Variants in CNBD1 observed in about 807,000 individuals in gnomAD.
The protein encoded by CNBD1 is cyclic nucleotide binding domain containing 1.
CNBD1 carries 71 observed loss-of-function variants against 54.4 expected under a neutral mutation model. The observed-to-expected ratio is 1.30, with a 90% CI of 1.08 to 1.59. The LOEUF (loss-of-function observed/expected upper bound fraction) is 1.59, where lower values mean the gene tolerates loss of function less well. Among genes scored for constraint, CNBD1 ranks in the 40% most tolerant of loss-of-function variants. The probability of loss-of-function intolerance (pLI) is 0.00; values close to 1 mark genes in which losing one functional copy is unlikely to be tolerated. For synonymous variants in CNBD1, 182 were observed against 170.7 expected (o/e 1.07, Z -0.51); for missense variants, 659 against 518.0 (o/e 1.27, Z -2.64).
intron 8 of CNBD1, among the ~76,000 whole-genome samples, chr8:87,317,845 T>C (rs1405128984): frequency 6.6e-6 from 1 of 150,932 alleles, no homozygotes; most frequent in Non-Finnish European, 1.5e-5. Flanking sequence ...TCACTGAATT[T>C]GTCCCATGTT....
intron 4 of CNBD1, among the ~76,000 whole-genome samples, chr8:87,040,436 T>C (rs971106093): frequency 4.6e-5 from 7 of 150,724 alleles, no homozygotes; most frequent in African/African-American, 1.7e-4. Flanking sequence ...TTTTTTTTTT[T>C]TTTTTGAGAC....
At chr8:87,224,627 G>A (rs1229828140) in intron 5 of CNBD1, among the ~76,000 whole-genome samples, 1 of 151,704 alleles carries the variant, frequency 6.6e-6, no homozygotes, top group Non-Finnish European at 1.5e-5. Flanking sequence ...CCAGTACCAT[G>A]CTGTTTTGGT....
At chr8:86,871,875 T>C (rs145427979) in intron 1 of CNBD1, among the ~76,000 whole-genome samples, 117 of 152,304 alleles carry the variant, frequency 7.7e-4, no homozygotes, top group African/African-American at 2.7e-3. Flanking sequence ...AGATGCTGAA[T>C]TGCCCTGGCT....
At chr8:87,302,009 C>CA (rs1382417977) in intron 8 of CNBD1, among the ~76,000 whole-genome samples, 1 of 151,924 alleles carries the variant, frequency 6.6e-6, no homozygotes, top group Non-Finnish European at 1.5e-5. Context: ...GCTTACCAAC[C>CA]AAAAAAAGTC....
At chr8:87,117,095 C>T (rs1811788198) in intron 4 of CNBD1, among the ~76,000 whole-genome samples, 1 of 151,970 alleles carries the variant, frequency 6.6e-6, no homozygotes, top group South Asian at 2.1e-4. Context: ...TCTACTTGAA[C>T]ATCATTTATA....
chr8:87,151,130 G>A (rs1382621671), intron 4 of CNBD1, among the ~76,000 whole-genome samples: 1 of 152,134 alleles, frequency 6.6e-6, no homozygotes, highest in Non-Finnish European at 1.5e-5. Flanking sequence ...AAGACTGCAG[G>A]TACCTTGGTG....
rs368410367 is a variant in CNBD1 at position 87,313,368 on chromosome 8, C to T, written c.1042+26697C>T. Among the ~76,000 whole-genome samples the T allele has an allele frequency of 3.9e-5, 6 of 152,078 alleles. No individual in the cohort carries two copies. In the East Asian group the frequency reaches 7.7e-4, roughly 20 times the overall value. On this transcript the variant is annotated intron_variant, in intron 8 of 10. Transcript: ENST00000518476. ...TCTGAATAATGCAATGAGAGTTAGTCAAGTATTTTACACAGAACAATTTTA... is the reference window on the plus strand; with the variant it reads ...TCTGAATAATGCAATGAGAGTTAGTTAAGTATTTTACACAGAACAATTTTA...
chr8:87,220,453 T>C (rs1303888056), intron 5 of CNBD1, among the ~76,000 whole-genome samples: 1 of 151,878 alleles, frequency 6.6e-6, no homozygotes, highest in Admixed American at 6.6e-5. Flanking sequence ...TCACTTTCTT[T>C]CTGTCCCTTA....
intron 4 of CNBD1, among the ~76,000 whole-genome samples, chr8:87,099,794 A>G (rs1671929189): frequency 6.6e-5 from 10 of 152,206 alleles, no homozygotes. Context: ...ACAGACTCTT[A>G]AGTGGAGAAT....
chr8:87,182,295 A>G lies in CNBD1; in HGVS notation c.432-23698A>G, dbSNP rs1813370635. 6.6e-6 allele frequency among the ~76,000 whole-genome samples: 1 copy of G among 152,018 alleles called. No individual in the cohort carries two copies. Among genetic ancestry groups the G allele is most frequent in the African/African-American group, 2.4e-5 (1 of 41,394 alleles). ...CCATATTTTCTTTATCCAGTTTACC[A>G]TTGATGGGTATTTAGGTTGATTCCA... On this transcript the variant is annotated intron_variant, in intron 4 of 10. Coordinates refer to ENST00000518476, the MANE Select transcript of CNBD1 (RefSeq NM_173538.3). This position sits in a 1 kb window ranked among gnomAD's most constrained non-coding sequence, Gnocchi z 4.1.
intron 4 of CNBD1, among the ~76,000 whole-genome samples, chr8:87,201,188 C>T (rs965807703): frequency 5.3e-5 from 8 of 151,758 alleles, no homozygotes; most frequent in African/African-American, 1.9e-4. Flanking sequence ...AATCCAACAC[C>T]CATTCATGAT....
intron 6 of CNBD1, among the ~76,000 whole-genome samples, chr8:87,279,644 A>C (rs1168280124): frequency 1.3e-5 from 2 of 151,376 alleles, no homozygotes; most frequent in Non-Finnish European, 3.0e-5. Flanking sequence ...ATGAGTATGA[A>C]ATGTATATGC....
chr8:87,409,183 TA>T (rs1807699285), intron 2 of CNBD1, among the ~76,000 whole-genome samples: 1 of 152,120 alleles, frequency 6.6e-6, no homozygotes. Context: ...TGAAGAAAAT[TA>T]AAAAGTTTTA....
chr8:87,027,105 G>C (rs1809664297), intron 4 of CNBD1, among the ~76,000 whole-genome samples: 2 of 151,690 alleles, frequency 1.3e-5, no homozygotes, highest in Non-Finnish European at 2.9e-5. Flanking sequence ...AGCCAATTTG[G>C]TAAACGCAAT....
intron 4 of CNBD1, among the ~76,000 whole-genome samples, chr8:87,088,160 C>T (rs1387018010): frequency 6.6e-6 from 1 of 152,054 alleles, no homozygotes; most frequent in Non-Finnish European, 1.5e-5. Flanking sequence ...TAGTTTTTTT[C>T]CCCTTTGTTT....
chr8:87,326,759 G>A (rs369949618), intron 8 of CNBD1, among the ~76,000 whole-genome samples: 17 of 102,466 alleles, frequency 1.7e-4, no homozygotes, highest in East Asian at 4.7e-4. Flanking sequence ...ATGTCCTCCC[G>A]TAGCTCAGAG....
intron 4 of CNBD1, among the ~76,000 whole-genome samples, chr8:86,991,386 C>T (rs368351696): frequency 3.6e-4 from 54 of 151,780 alleles, no homozygotes; most frequent in African/African-American, 1.3e-3. Flanking sequence ...GACACACACT[C>T]TCTCTGTCTC....
chr8:87,231,943 C>G (rs1489536888), intron 5 of CNBD1, among the ~76,000 whole-genome samples: 1 of 152,150 alleles, frequency 6.6e-6, no homozygotes, highest in African/African-American at 2.4e-5. Flanking sequence ...CCCATAGGGG[C>G]AATGGCTCTC....
chr8:87,313,651 T>TCTC (rs1563548127), intron 8 of CNBD1, among the ~76,000 whole-genome samples: 2 of 151,928 alleles, frequency 1.3e-5, no homozygotes. Context: ...TTTTTCTTCT[T>TCTC]CTCAGGAAGA....
Sources: allele counts gnomAD v4.1 joint callset (sites outside exome capture counted in the v4.1 genomes callset), GRCh38; gene constraint gnomAD v4.1.1; non-coding constraint Gnocchi (gnomAD v3.1); transcripts MANE v1.5; gene names NCBI Gene and HGNC (gene_info 2026-07-23, HGNC 2026-07-21).